The following COMMD10 variants were observed in gnomAD, a reference collection of about 807,000 sequenced individuals.
COMMD10 encodes COMM domain containing 10.
In COMMD10, 33 loss-of-function variants were observed where a neutral mutation model predicts 28.9. The observed-to-expected ratio is 1.14, with a 90% CI of 0.87 to 1.53. The LOEUF (loss-of-function observed/expected upper bound fraction) is 1.53. Among genes scored for constraint, COMMD10 ranks in the 40% most tolerant of loss-of-function variants. The pLI is 0.00. For missense variants in COMMD10, 310 were observed against 233.4 expected, an observed-to-expected ratio of 1.33 and a Z score of -2.14; for synonymous variants, 110 against 81.7, an observed-to-expected ratio of 1.35 and a Z score of -1.87.
chr5:116,154,689 T>C (rs1752648061), intron 5 of COMMD10, among the ~76,000 whole-genome samples: 1 of 152,148 alleles, frequency 6.6e-6, no homozygotes, highest in African/African-American at 2.4e-5. Context: ...TCACACAGTT[T>C]TCCTTAATCC....
At chr5:116,117,307 T>C (rs148272357) in intron 4 of COMMD10, among the ~76,000 whole-genome samples, 1 of 152,298 alleles carries the variant, frequency 6.6e-6, no homozygotes, top group African/African-American at 2.4e-5. Context: ...GGATTGCTGA[T>C]CCCCCAAGCC....
At chr5:116,219,601 G>A (rs868515085) in intron 5 of COMMD10, among the ~76,000 whole-genome samples, 2 of 152,144 alleles carry the variant, frequency 1.3e-5, no homozygotes, top group Non-Finnish European at 2.9e-5. Context: ...GAGGCAAAAA[G>A]CAGATTTCCA....
At chr5:116,088,490 C>G (rs1427571317) in intron 2 of COMMD10, among the ~76,000 whole-genome samples, 2 of 152,108 alleles carry the variant, frequency 1.3e-5, no homozygotes, top group Non-Finnish European at 2.9e-5. Flanking sequence ...TTACAGTGTT[C>G]AAAGCCATCA....
chr5:116,215,554 G>T (rs999316994), intron 5 of COMMD10, among the ~76,000 whole-genome samples: 7 of 151,694 alleles, frequency 4.6e-5, no homozygotes, highest in African/African-American at 1.7e-4. Context: ...AGGCGTGGTG[G>T]CGTGTGCCTG....
chr5:116,121,053 T>C (rs565366842), intron 4 of COMMD10, among the ~76,000 whole-genome samples: 8 of 152,320 alleles, frequency 5.3e-5, no homozygotes, highest in Middle Eastern at 3.4e-3. Flanking sequence ...TACATAGATA[T>C]ACATGTGCCA....
intron 4 of COMMD10, among the ~76,000 whole-genome samples, chr5:116,128,556 G>T (rs1325223279): frequency 6.6e-6 from 1 of 151,606 alleles, no homozygotes; most frequent in Non-Finnish European, 1.5e-5. Context: ...CTCTATACTG[G>T]GTTTTATTTC....
intron 4 of COMMD10, among the ~76,000 whole-genome samples, chr5:116,117,782 T>C (rs1317086263): frequency 1.3e-5 from 2 of 152,198 alleles, no homozygotes; most frequent in East Asian, 3.8e-4. Flanking sequence ...TAGTCATTCT[T>C]AATGCATTCA....
chr5:116,225,960 C>T (rs1749384965), intron 5 of COMMD10, among the ~76,000 whole-genome samples: 1 of 151,980 alleles, frequency 6.6e-6, no homozygotes, highest in Admixed American at 6.6e-5. Context: ...TAACATTTTT[C>T]CTTTAAATTT....
intron 5 of COMMD10, among the ~76,000 whole-genome samples, chr5:116,231,256 C>A (rs1047840373): frequency 6.6e-6 from 1 of 152,120 alleles, no homozygotes; most frequent in Non-Finnish European, 1.5e-5. Flanking sequence ...AATAAATTTA[C>A]CGACTACTCA....
chr5:116,267,542 C>T (rs1237445584), intron 5 of COMMD10, among the ~76,000 whole-genome samples: 1 of 151,862 alleles, frequency 6.6e-6, no homozygotes, highest in Non-Finnish European at 1.5e-5. Context: ...TTTACAGATT[C>T]AATGCCATCC....
chr5:116,200,460 C>T (rs761510591), intron 5 of COMMD10, among the ~76,000 whole-genome samples: 45 of 151,998 alleles, frequency 3.0e-4, no homozygotes, highest in Non-Finnish European at 6.0e-4. Flanking sequence ...TCTATGGTTT[C>T]GTATCTGACA....
rs1033807940 is a variant in COMMD10 at position 116,260,501 on chromosome 5, A to G, written c.511-31016A>G. Among the ~76,000 whole-genome samples the G allele has an allele frequency of 7.2e-5, 11 of 151,878 alleles. 1 individual carries two copies. The highest frequency in any genetic ancestry group is 2.4e-4 in the African/African-American group (10 of 41,234). On this transcript the variant is annotated intron_variant, in intron 5 of 6. Transcript: ENST00000274458. ...ATGTTATTTTCAAAAGTGCCATGGC[A>G]TGTCAGTATCTTGTAAATTCTAACT...
At chr5:116,225,111 CTTA>C (rs935229909) in intron 5 of COMMD10, among the ~76,000 whole-genome samples, 4 of 152,046 alleles carry the variant, frequency 2.6e-5, no homozygotes, top group South Asian at 4.2e-4. Flanking sequence ...TTTTATTTCA[CTTA>C]TTATACTTTT....
At chr5:116,135,644 T>G (rs1752004047) in intron 5 of COMMD10, among the ~76,000 whole-genome samples, 1 of 152,222 alleles carries the variant, frequency 6.6e-6, no homozygotes, top group African/African-American at 2.4e-5. Flanking sequence ...CCACATAACT[T>G]TATTACACTA....
intron 5 of COMMD10, among the ~76,000 whole-genome samples, chr5:116,185,735 T>A: frequency 6.6e-6 from 1 of 152,158 alleles, no homozygotes; most frequent in Non-Finnish European, 1.5e-5. Flanking sequence ...GAGCCTTGAT[T>A]ACAAATTTTA....
intron 5 of COMMD10, among the ~76,000 whole-genome samples, chr5:116,134,683 C>T (rs1751973626): frequency 1.3e-5 from 2 of 152,232 alleles, no homozygotes; most frequent in Middle Eastern, 3.4e-3. Context: ...TGCAGTGGCG[C>T]GATCTCGGCT....
chr5:116,178,131 C>G (rs1362985480), intron 5 of COMMD10, among the ~76,000 whole-genome samples: 1 of 151,962 alleles, frequency 6.6e-6, no homozygotes, highest in African/African-American at 2.4e-5. Flanking sequence ...ATAGATAAAG[C>G]AAGTTAGAGA....
chr5:116,122,658 G>T lies in COMMD10; in HGVS notation c.400-11410G>T, dbSNP rs543296224. Among the ~76,000 whole-genome samples, 804 of 152,180 alleles carry T rather than the reference G, an allele frequency of 5.3e-3. 2 individuals are homozygous for T. The highest frequency in any genetic ancestry group is 9.3e-3 in the Non-Finnish European group (630 of 68,002). On this transcript the variant is annotated intron_variant, in intron 4 of 6. Coordinates refer to ENST00000274458, the MANE Select transcript of COMMD10 (RefSeq NM_016144.4). ...TGTTTGTGTCCTCTTTTATTTCATT[G>T]AGCAGTGGTTTGTAGTTCTCCTTGA...
chr5:116,271,832 A>T (rs1279828255), intron 5 of COMMD10, among the ~76,000 whole-genome samples: 2 of 151,888 alleles, frequency 1.3e-5, no homozygotes, highest in Non-Finnish European at 2.9e-5. Flanking sequence ...GCTCCATACA[A>T]ACATTCCACT....
Sources: allele counts gnomAD v4.1 joint callset (sites outside exome capture counted in the v4.1 genomes callset), GRCh38; gene constraint gnomAD v4.1.1; transcripts MANE v1.5; gene names NCBI Gene and HGNC (gene_info 2026-07-23, HGNC 2026-07-21).